The following TAFA2 variants were observed in gnomAD, a reference collection of about 807,000 sequenced individuals.
The protein encoded by TAFA2 is chemokine-like protein TAFA-2.
Under a neutral mutation model 18.8 loss-of-function variants are expected in TAFA2, and 7 were observed. The observed-to-expected ratio is 0.37, with a 90% CI of 0.21 to 0.70. The LOEUF is 0.70. Ranked by LOEUF, TAFA2 falls within the 30% of genes least tolerant of loss-of-function variation. The pLI, the probability that TAFA2 is intolerant of heterozygous loss-of-function variation, is 0.53. For missense variants in TAFA2, 122 were observed against 158.1 expected, an observed-to-expected ratio of 0.77 and a Z score of 1.23; for synonymous variants, 60 against 54.2, an observed-to-expected ratio of 1.11 and a Z score of -0.47.
At chr12:62,215,526 C>A in intron 1 of TAFA2, among the ~76,000 whole-genome samples, 1 of 131,034 alleles carries the variant, frequency 7.6e-6, no homozygotes. Flanking sequence ...TTACTGCAGC[C>A]ACAGTCTCTG....
chr12:62,147,338 A>G (rs879641289), intron 1 of TAFA2, among the ~76,000 whole-genome samples: 890 of 71,682 alleles, frequency 0.012, 38 homozygotes, highest in Non-Finnish European at 0.018. Context: ...ATATATATAT[A>G]TATATATATA....
intron 1 of TAFA2, among the ~76,000 whole-genome samples, chr12:62,076,014 G>A (rs1181708041): frequency 6.6e-6 from 1 of 152,096 alleles, no homozygotes; most frequent in Non-Finnish European, 1.5e-5. Flanking sequence ...GTTATCAATT[G>A]GCATAGACTG....
chr12:61,990,793 C>T (rs1044305704), intron 1 of TAFA2, among the ~76,000 whole-genome samples: 3 of 152,162 alleles, frequency 2.0e-5, no homozygotes, highest in Non-Finnish European at 2.9e-5. Flanking sequence ...ATTCTAACTG[C>T]TTGAATCCGC....
chr12:62,248,608 G>A (rs2062897791), intron 1 of TAFA2, among the ~76,000 whole-genome samples: 1 of 152,116 alleles, frequency 6.6e-6, no homozygotes, highest in South Asian at 2.1e-4. Flanking sequence ...GTTGACTATA[G>A]GTACCAAGTC....
At chr12:61,755,203 G>T (rs893766162) in intron 2 of TAFA2, among the ~76,000 whole-genome samples, 179 bp from the exon 3 acceptor site, 1 of 152,048 alleles carries the variant, frequency 6.6e-6, no homozygotes, top group Non-Finnish European at 1.5e-5. Flanking sequence ...AAATGTGGTA[G>T]GAACATTTCT....
intron 1 of TAFA2, among the ~76,000 whole-genome samples, chr12:62,210,445 T>C (rs1357495609): frequency 3.9e-5 from 6 of 152,224 alleles, no homozygotes. Context: ...ATTTCCTTCA[T>C]TCAACATTGT....
At chr12:61,724,072 A>G (rs1870026522) in intron 4 of TAFA2, among the ~76,000 whole-genome samples, 1 of 152,106 alleles carries the variant, frequency 6.6e-6, no homozygotes, top group South Asian at 2.1e-4. Context: ...TGTGCATGCA[A>G]TCACTTATGT....
At chr12:62,024,261 C>T (rs1298917178) in intron 1 of TAFA2, among the ~76,000 whole-genome samples, 3 of 152,040 alleles carry the variant, frequency 2.0e-5, no homozygotes, top group African/African-American at 4.8e-5. Context: ...CAAAATCCAC[C>T]GTATAAGTAA....
chr12:62,238,393 T>C (rs1378419260), intron 1 of TAFA2, among the ~76,000 whole-genome samples: 2 of 152,212 alleles, frequency 1.3e-5, no homozygotes, highest in African/African-American at 4.8e-5. Context: ...CACATTTTGG[T>C]TACATCACTC....
intron 2 of TAFA2, among the ~76,000 whole-genome samples, chr12:61,755,686 T>C (rs557295339): frequency 6.6e-6 from 1 of 152,242 alleles, no homozygotes; most frequent in South Asian, 2.1e-4. Context: ...ATAATTCGTA[T>C]CTGGCAGCCA....
chr12:61,917,119 G>A lies in TAFA2; in HGVS notation c.-1-49693C>T, dbSNP rs78261746. ...GAGGGAAATGAAGATGACTGTTCAA[G>A]ATCAAGAGGGATAACTGTCAGGAGA... is the stretch of plus-strand genomic sequence containing the variant. On this transcript the variant is annotated intron_variant, in intron 1 of 4. Transcript: ENST00000416284. 8.8e-3 allele frequency among the ~76,000 whole-genome samples: 1,336 copies of A among 152,262 alleles called. 5 individuals are homozygous for A. Among genetic ancestry groups the A allele is most frequent in the Non-Finnish European group, 0.015 (1,003 of 68,020 alleles).
intron 1 of TAFA2, among the ~76,000 whole-genome samples, chr12:61,971,901 A>T (rs1234220030): frequency 1.3e-5 from 2 of 151,850 alleles, no homozygotes; most frequent in East Asian, 1.9e-4. Context: ...AAATGCATTG[A>T]TACTGGCTTA....
chr12:61,922,668 G>T (rs941512679), intron 1 of TAFA2, among the ~76,000 whole-genome samples: 1 of 152,102 alleles, frequency 6.6e-6, no homozygotes, highest in African/African-American at 2.4e-5. Context: ...AAAACAGGGC[G>T]ACCATTTGGG....
At chr12:61,908,349 A>G (rs771616663) in intron 1 of TAFA2, among the ~76,000 whole-genome samples, 1 of 152,030 alleles carries the variant, frequency 6.6e-6, no homozygotes, top group Admixed American at 6.6e-5. Flanking sequence ...ATGGTTTTAT[A>G]AAAGGGCACT....
At chr12:62,056,456 G>A (rs1263771913) in intron 1 of TAFA2, among the ~76,000 whole-genome samples, 1 of 152,218 alleles carries the variant, frequency 6.6e-6, no homozygotes, top group Non-Finnish European at 1.5e-5. Flanking sequence ...TAGTAGTAGT[G>A]TTTGTACATG....
intron 1 of TAFA2, among the ~76,000 whole-genome samples, chr12:62,012,931 C>T (rs1349682912): frequency 2.0e-5 from 3 of 152,092 alleles, no homozygotes; most frequent in Non-Finnish European, 2.9e-5. Flanking sequence ...CTGAAATTTG[C>T]CCAGTTCAGA....
chr12:62,012,725 A>G (rs1437653129), intron 1 of TAFA2, among the ~76,000 whole-genome samples: 1 of 152,218 alleles, frequency 6.6e-6, no homozygotes, highest in Non-Finnish European at 1.5e-5. Context: ...AACCTTATCA[A>G]TAAAAAAGCA....
intron 1 of TAFA2, among the ~76,000 whole-genome samples, chr12:62,009,684 T>C (rs866050151): frequency 6.6e-5 from 10 of 152,240 alleles, no homozygotes; most frequent in African/African-American, 2.2e-4. Context: ...CATCCATTTA[T>C]TACTCACAGA....
intron 1 of TAFA2, among the ~76,000 whole-genome samples, chr12:62,025,845 GT>G (rs1881294366): frequency 6.6e-6 from 1 of 151,864 alleles, no homozygotes; most frequent in Non-Finnish European, 1.5e-5. Context: ...GCATACTAGA[GT>G]TTTTACCTAA....
Sources: gnomAD v4.1 joint callset for allele counts (sites outside exome capture counted in the v4.1 genomes callset) on GRCh38, gnomAD v4.1.1 for gene constraint, MANE v1.5 for transcripts, NCBI Gene and HGNC (gene_info 2026-07-23, HGNC 2026-07-21) for gene names.